LINGO2: variants seen among roughly 807,000 people sequenced by gnomAD.
The protein encoded by LINGO2 is leucine-rich repeat and immunoglobulin-like domain-containing nogo receptor-interacting protein 2.
LINGO2 carries 14 observed loss-of-function variants against 30.6 expected under a neutral mutation model. The observed-to-expected ratio is 0.46, with a 90% CI of 0.30 to 0.72. The LOEUF (loss-of-function observed/expected upper bound fraction) is 0.72. Among genes scored for constraint, LINGO2 ranks in the 30% least tolerant of loss-of-function variants. The pLI, the probability that LINGO2 is intolerant of heterozygous loss-of-function variation, is 0.07. For missense variants in LINGO2, 729 were observed against 751.7 expected, an observed-to-expected ratio of 0.97 and a Z score of 0.35; for synonymous variants, 317 against 288.5, an observed-to-expected ratio of 1.10 and a Z score of -1.00.
intron 2 of LINGO2, among the ~76,000 whole-genome samples, chr9:28,455,182 T>C (rs1564209616): frequency 6.6e-6 from 1 of 151,964 alleles, no homozygotes; most frequent in East Asian, 1.9e-4. Context: ...AGAGACACAA[T>C]GGGAGACATC....
intron 1 of LINGO2, among the ~76,000 whole-genome samples, chr9:28,503,436 G>A (rs183003770): frequency 6.6e-6 from 1 of 152,070 alleles, no homozygotes; most frequent in Non-Finnish European, 1.5e-5. Context: ...TATCATGTAT[G>A]ATAACTCATT....
At chr9:29,135,107 G>T in the LINGO2 span, among the ~76,000 whole-genome samples, 1 of 152,110 alleles carries the variant, frequency 6.6e-6, no homozygotes, top group Admixed American at 6.5e-5. Context: ...TCTGCTTTTG[G>T]TAAGAACTCT....
chr9:28,942,124 A>C, the LINGO2 span, among the ~76,000 whole-genome samples: 2 of 152,254 alleles, frequency 1.3e-5, no homozygotes, highest in African/African-American at 4.8e-5. Context: ...TTGTATTGTA[A>C]AGTGAAAGAG....
At chr9:28,428,505 T>C (rs1176611829) in intron 2 of LINGO2, among the ~76,000 whole-genome samples, 1 of 152,116 alleles carries the variant, frequency 6.6e-6, no homozygotes, top group Non-Finnish European at 1.5e-5. Context: ...ATCAGGATGG[T>C]TAATTGCTGA....
the LINGO2 span, among the ~76,000 whole-genome samples, chr9:29,075,668 C>T: frequency 6.6e-6 from 1 of 151,898 alleles, no homozygotes; most frequent in Non-Finnish European, 1.5e-5. Flanking sequence ...ATTTAAAATC[C>T]TGGTGTTTTA....
At chr9:28,732,686 G>T in the LINGO2 span, among the ~76,000 whole-genome samples, 1 of 152,148 alleles carries the variant, frequency 6.6e-6, no homozygotes, top group African/African-American at 2.4e-5. Context: ...AGGAGACATA[G>T]CTGGATACAG....
intron 5 of LINGO2, among the ~76,000 whole-genome samples, chr9:27,995,346 C>A (rs953635478): frequency 1.3e-5 from 2 of 152,080 alleles, no homozygotes; most frequent in East Asian, 3.9e-4. Flanking sequence ...CAAACTGTTA[C>A]AAAAATTTAA....
the LINGO2 span, among the ~76,000 whole-genome samples, chr9:28,764,462 T>G: frequency 1.3e-5 from 2 of 151,896 alleles, no homozygotes; most frequent in Admixed American, 6.6e-5. Flanking sequence ...CATCCTTTCA[T>G]GATAAAAGTG....
chr9:29,113,992 C>G, the LINGO2 span, among the ~76,000 whole-genome samples: 1 of 151,202 alleles, frequency 6.6e-6, no homozygotes, highest in East Asian at 1.9e-4. Context: ...GAAAGGAATT[C>G]TTTTCCACAA....
At chr9:28,332,829 AG>A (rs1295529638) in intron 3 of LINGO2, among the ~76,000 whole-genome samples, 1 of 152,170 alleles carries the variant, frequency 6.6e-6, no homozygotes, top group Non-Finnish European at 1.5e-5. Context: ...AAAAGTCCAT[AG>A]GAAGTGAATG....
chr9:29,204,345 G>A, the LINGO2 span, among the ~76,000 whole-genome samples: 1 of 152,102 alleles, frequency 6.6e-6, no homozygotes, highest in Non-Finnish European at 1.5e-5. Flanking sequence ...TTTCTTATAT[G>A]CACATAACAC....
At chr9:28,525,518 T>C (rs759509553) in intron 1 of LINGO2, among the ~76,000 whole-genome samples, 2 of 152,142 alleles carry the variant, frequency 1.3e-5, no homozygotes, top group Non-Finnish European at 2.9e-5. Context: ...TGCAGCAATA[T>C]GGATGAACAT....
At chr9:29,078,913 C>A in the LINGO2 span, among the ~76,000 whole-genome samples, 2 of 151,650 alleles carry the variant, frequency 1.3e-5, no homozygotes, top group Non-Finnish European at 2.9e-5. Context: ...ATTAGAAGGC[C>A]CAGGAAGCTG....
the LINGO2 span, among the ~76,000 whole-genome samples, chr9:28,977,982 G>A: frequency 1.3e-5 from 2 of 152,108 alleles, no homozygotes; most frequent in African/African-American, 4.8e-5. Context: ...ACAGAACTGG[G>A]AAGCCAGAAC....
chr9:28,437,647 A>G (rs1232198432), intron 2 of LINGO2, among the ~76,000 whole-genome samples: 1 of 151,818 alleles, frequency 6.6e-6, no homozygotes. Flanking sequence ...TGACCAATGT[A>G]TCTCCTCTCC....
chr9:28,355,321 CTCTCTG>C (rs1820143210), intron 3 of LINGO2, among the ~76,000 whole-genome samples: 1 of 133,684 alleles, frequency 7.5e-6, no homozygotes. Flanking sequence ...CTCTCTCTCT[CTCTCTG>C]TCTCTGTCTC....
Position 28,477,029 on chromosome 9 carries a change from GAAAGA to G in LINGO2, c.-364-1009_-364-1005del, listed in dbSNP as rs1180281974. Reference sequence around the variant, plus strand: ...CACCAGCTCCCTTCAGTGAACCACAGAAAGAGAGAAAGATAAGTTGGCAGAAAACA... The same window carrying G: ...CACCAGCTCCCTTCAGTGAACCACAGGAGAAAGATAAGTTGGCAGAAAACA... On this transcript the variant is annotated intron_variant, in intron 1 of 5. Transcript: ENST00000379992. Among the ~76,000 whole-genome samples, 5 of 152,124 alleles carry G rather than the reference GAAAGA, an allele frequency of 3.3e-5. No homozygotes were observed. In the East Asian group the frequency reaches 9.6e-4, roughly 29 times the overall value.
the LINGO2 span, among the ~76,000 whole-genome samples, chr9:28,835,750 C>A: frequency 6.6e-6 from 1 of 152,256 alleles, no homozygotes; most frequent in South Asian, 2.1e-4. Flanking sequence ...TAACTTCTTT[C>A]TCATTTGCTA....
chr9:29,176,060 T>C, the LINGO2 span, among the ~76,000 whole-genome samples: 2 of 152,252 alleles, frequency 1.3e-5, no homozygotes, highest in South Asian at 2.1e-4. Context: ...CATCCAAAAA[T>C]CTTTTGTGTG....
Sources: allele counts gnomAD v4.1 joint callset (sites outside exome capture counted in the v4.1 genomes callset), GRCh38; gene constraint gnomAD v4.1.1; transcripts MANE v1.5; gene names NCBI Gene and HGNC (gene_info 2026-07-23, HGNC 2026-07-21).